The following SLC35F3 variants were observed in gnomAD, a reference collection of about 807,000 sequenced individuals.
SLC35F3 encodes the protein solute carrier family 35 member F3.
SLC35F3 carries 25 observed loss-of-function variants against 49.9 expected under a neutral mutation model. The observed-to-expected ratio is 0.50, with a 90% CI of 0.37 to 0.70. SLC35F3 has a LOEUF of 0.70. Ranked by LOEUF, SLC35F3 falls within the 30% of genes least tolerant of loss-of-function variation. The probability of loss-of-function intolerance (pLI) is 0.00; values close to 1 mark genes in which losing one functional copy is unlikely to be tolerated. For missense variants in SLC35F3, 525 were observed against 639.8 expected, an observed-to-expected ratio of 0.82 and a Z score of 1.94; for synonymous variants, 275 against 265.4, an observed-to-expected ratio of 1.04 and a Z score of -0.35.
At chr1:234,315,101 T>C (rs1002957652) in intron 4 of SLC35F3, among the ~76,000 whole-genome samples, 2 of 152,216 alleles carry the variant, frequency 1.3e-5, no homozygotes, top group African/African-American at 4.8e-5. Flanking sequence ...ATACATCTGA[T>C]GCAAAACGGT....
At chr1:234,283,300 T>G (rs1668359002) in intron 3 of SLC35F3, among the ~76,000 whole-genome samples, 1 of 152,246 alleles carries the variant, frequency 6.6e-6, no homozygotes, top group Non-Finnish European at 1.5e-5. Context: ...GATTGATTTT[T>G]TAACTACCTT....
In SLC35F3 at chr1:233,942,251, G is replaced by A. The variant is rs186368828; in HGVS notation, c.283+36493G>A. The stretch of plus-strand genomic sequence containing the variant: ...GCTGGGATTACAGGTGTGAGCCACC[G>A]TGCCCGGCATACAGCCTCTTTTAAA... On this transcript the variant is annotated intron_variant, in intron 2 of 7. Transcript: ENST00000366618. Among the ~76,000 whole-genome samples the A allele has an allele frequency of 1.8e-3, 272 of 151,834 alleles. 1 individual carries two copies. The highest frequency in any genetic ancestry group is 6.3e-3 in the African/African-American group (259 of 41,424).
chr1:233,983,102 A>G (rs1402596145), intron 2 of SLC35F3, among the ~76,000 whole-genome samples: 1 of 152,224 alleles, frequency 6.6e-6, no homozygotes, highest in African/African-American at 2.4e-5. Flanking sequence ...CATCCCTGAT[A>G]AGAAAGTGCA....
chr1:234,280,979 CT>C (rs1668315700), intron 3 of SLC35F3, among the ~76,000 whole-genome samples: 1 of 152,298 alleles, frequency 6.6e-6, no homozygotes, highest in Non-Finnish European at 1.5e-5. Context: ...TGCACAGCAG[CT>C]TGGGTTCCAT....
chr1:234,157,560 CA>C (rs1252841144), intron 2 of SLC35F3, among the ~76,000 whole-genome samples: 1 of 152,166 alleles, frequency 6.6e-6, no homozygotes, highest in African/African-American at 2.4e-5. Flanking sequence ...TCTGAAAACA[CA>C]GTGCAAGCAT....
At position 233,982,202 on chromosome 1, in the gene SLC35F3, G is replaced by A. The variant is rs565800159; in HGVS notation, c.283+76444G>A. On this transcript the variant is annotated intron_variant, in intron 2 of 7. Transcript: ENST00000366618. The stretch of plus-strand genomic sequence containing the variant: ...GGCCTTCCAAAGTCTTGGGATTACC[G>A]GCATGAGCCATGACGCCCAGCTGTG... Among the ~76,000 whole-genome samples the A allele has an allele frequency of 7.2e-5, 11 of 152,244 alleles. No homozygotes were observed. The South Asian group carries it at 2.3e-3, about 32-fold the overall frequency.
intron 2 of SLC35F3, among the ~76,000 whole-genome samples, chr1:234,037,559 C>T (rs1664161741): frequency 6.6e-6 from 1 of 152,168 alleles, no homozygotes; most frequent in Non-Finnish European, 1.5e-5. Flanking sequence ...AGTGAGCTTG[C>T]ATTTATATAG....
At chr1:233,920,408 A>C (rs1176988727) in intron 2 of SLC35F3, among the ~76,000 whole-genome samples, 1 of 152,214 alleles carries the variant, frequency 6.6e-6, no homozygotes, top group Non-Finnish European at 1.5e-5. Context: ...GATCATGCCA[A>C]CCGTGAAGGA....
At chr1:234,145,720 A>T (rs1332995830) in intron 2 of SLC35F3, among the ~76,000 whole-genome samples, 1 of 152,198 alleles carries the variant, frequency 6.6e-6, no homozygotes, top group Non-Finnish European at 1.5e-5. Flanking sequence ...GAAGATATGC[A>T]TGGGTTATAT....
chr1:234,248,391 G>T (rs1056474843), intron 3 of SLC35F3, among the ~76,000 whole-genome samples: 4 of 152,126 alleles, frequency 2.6e-5, no homozygotes, highest in Middle Eastern at 6.9e-3. Flanking sequence ...TGGTTGGCTG[G>T]TCCATTGTTT....
At chr1:234,078,163 G>A (rs1010233813) in intron 2 of SLC35F3, among the ~76,000 whole-genome samples, 3 of 152,038 alleles carry the variant, frequency 2.0e-5, no homozygotes, top group South Asian at 2.1e-4. Flanking sequence ...TTTTCCTTTA[G>A]GTTCCTTTCC....
intron 2 of SLC35F3, among the ~76,000 whole-genome samples, chr1:233,909,405 G>T (rs552510461): frequency 6.6e-6 from 1 of 152,290 alleles, no homozygotes; most frequent in Admixed American, 6.5e-5. Flanking sequence ...TGGGCCACAG[G>T]AGGGACTCAA....
In SLC35F3 at chr1:234,309,154, C is replaced by G; in HGVS notation, c.662C>G (p.Thr221Ser). The stretch of plus-strand genomic sequence containing the variant: ...GGCTTGACTTTGAAGGTGTTTTTTA[C>G]CAAGGCAGCACCCTTTGGTGTTCTT... Reference protein sequence around the residue: ...DNGLTLKVFFTKAAPFGVLWT... With the variant: ...DNGLTLKVFFSKAAPFGVLWT... The change falls in exon 4 of 8, where the codon ACC becomes AGC. Residue 221 changes from threonine (T) to serine (S), a missense_variant. By Grantham distance (58) the Thr-to-Ser change is moderately conservative. Transcript: ENST00000366618. 1 of 1,606,964 alleles carries G rather than the reference C, an allele frequency of 6.2e-7. No individual in the cohort carries two copies. The highest frequency in any genetic ancestry group is 1.3e-5 in the African/African-American group (1 of 74,702).
intron 2 of SLC35F3, among the ~76,000 whole-genome samples, chr1:233,919,542 C>T (rs899169499): frequency 2.0e-5 from 3 of 152,142 alleles, no homozygotes; most frequent in African/African-American, 7.2e-5. Flanking sequence ...ACATATGTCC[C>T]GATTTGGGGA....
intron 3 of SLC35F3, among the ~76,000 whole-genome samples, chr1:234,269,412 A>C (rs1288871836): frequency 2.0e-5 from 3 of 152,198 alleles, no homozygotes; most frequent in African/African-American, 7.2e-5. Context: ...GCCCAGGATC[A>C]AATGCAGGGC....
In SLC35F3 at chr1:233,905,540, G is replaced by A. The variant is rs1661760071; in HGVS notation, c.65G>A (p.Arg22Lys). Reference sequence around the variant, plus strand: ...GCCTGCGACCGCAGTGGCATGAGGAGGTCACCGGACGTCAGCCCCCGGAGA... The same window carrying A: ...GCCTGCGACCGCAGTGGCATGAGGAAGTCACCGGACGTCAGCCCCCGGAGA... The part of the protein sequence containing the change: ...RGKSIAVGMR[R>K]SPDVSPRRLS... The change falls in exon 2 of 8, where the codon AGG (arginine) becomes AAG (lysine). Residue 22 changes from arginine to lysine, a missense_variant. This residue lies in a region of SLC35F3 where 228 missense variants were observed against 218.9 expected (regional missense o/e 1.04). Coordinates refer to ENST00000366618, the MANE Select transcript of SLC35F3 (RefSeq NM_173508.4). 6.2e-7 allele frequency: 1 copy of A among 1,613,254 alleles called. No homozygotes were observed. The highest frequency in any genetic ancestry group is 8.5e-7 in the Non-Finnish European group (1 of 1,179,646).
chr1:234,159,120 C>G (rs1334330454), intron 2 of SLC35F3, among the ~76,000 whole-genome samples: 2 of 152,096 alleles, frequency 1.3e-5, no homozygotes, highest in Non-Finnish European at 2.9e-5. Flanking sequence ...CAAGACTCTT[C>G]ACACACACGA....
intron 2 of SLC35F3, among the ~76,000 whole-genome samples, chr1:234,078,559 A>G (rs1005388538): frequency 6.6e-6 from 1 of 152,206 alleles, no homozygotes; most frequent in Non-Finnish European, 1.5e-5. Flanking sequence ...CTCTCCTTCC[A>G]CAAGTCCCTG....
chr1:234,201,912 CA>C (rs11361148), intron 2 of SLC35F3, among the ~76,000 whole-genome samples: 63,355 of 111,490 alleles, frequency 0.57, 16,255 homozygotes, highest in African/African-American at 0.67. Context: ...GACTTCTTCT[CA>C]AAAAAAAAAA....
Sources: gnomAD v4.1 joint callset for allele counts (sites outside exome capture counted in the v4.1 genomes callset) on GRCh38, gnomAD v4.1.1 for gene constraint, gnomAD v4.1.1 regional missense constraint, MANE v1.5 for transcripts, NCBI Gene and HGNC (gene_info 2026-07-23, HGNC 2026-07-21) for gene names.